Variants in ARHGEF7 observed in about 807,000 individuals in gnomAD.
The protein encoded by ARHGEF7 is Rho guanine nucleotide exchange factor 7.
In ARHGEF7, 33 loss-of-function variants were observed where a neutral mutation model predicts 109.8. The ratio of observed to expected loss-of-function variants is 0.30; its 90% CI spans 0.23 to 0.40. The LOEUF is 0.40. Among genes scored for constraint, ARHGEF7 ranks in the 10% least tolerant of loss-of-function variants. The pLI is 1.00. For synonymous variants in ARHGEF7, 458 were observed against 424.6 expected (o/e 1.08, Z -0.97); for missense variants, 938 against 1,098.5 (o/e 0.85, Z 2.07).
chr13:111,221,529 ATATC>A (rs869067875), intron 5 of ARHGEF7, among the ~76,000 whole-genome samples: 710 of 39,264 alleles, frequency 0.018, 27 homozygotes, highest in Middle Eastern at 0.15. Flanking sequence ...ATATCTATAT[ATATC>A]TATATATAGA....
intron 2 of ARHGEF7, among the ~76,000 whole-genome samples, chr13:111,176,904 G>A (rs2078219235): frequency 6.6e-6 from 1 of 152,162 alleles, no homozygotes; most frequent in South Asian, 2.1e-4. Context: ...CTACAGGCGT[G>A]TACCACCACG....
chr13:111,282,750 C>T (rs902500588), intron 15 of ARHGEF7: 7 of 240,116 alleles, frequency 2.9e-5, no homozygotes, highest in African/African-American at 1.6e-4. Context: ...GGGGAATCAC[C>T]TTCCTTCTTA....
At chr13:111,189,317 C>G (rs564075197) in intron 2 of ARHGEF7, among the ~76,000 whole-genome samples, 2 of 152,256 alleles carry the variant, frequency 1.3e-5, no homozygotes, top group African/African-American at 4.8e-5. Flanking sequence ...GATGGTGTGT[C>G]TGGAGTTTGT....
intron 19 of ARHGEF7, among the ~76,000 whole-genome samples, chr13:111,299,820 C>G (rs372217805): frequency 6.6e-6 from 1 of 152,146 alleles, no homozygotes; most frequent in African/African-American, 2.4e-5. Flanking sequence ...CCATAGTTAG[C>G]GAGCGTGTCT....
intron 1 of ARHGEF7, among the ~76,000 whole-genome samples, chr13:111,151,806 C>T (rs1417588151): frequency 6.6e-6 from 1 of 151,766 alleles, no homozygotes; most frequent in Non-Finnish European, 1.5e-5. Flanking sequence ...AAATCACCAT[C>T]GGAAAGCATA....
At chr13:111,121,036 A>G (rs1421371306) in intron 1 of ARHGEF7, among the ~76,000 whole-genome samples, 1 of 152,236 alleles carries the variant, frequency 6.6e-6, no homozygotes, top group East Asian at 1.9e-4. Flanking sequence ...AGTGTAACTG[A>G]GCACCCAGGG....
intron 2 of ARHGEF7, among the ~76,000 whole-genome samples, chr13:111,194,753 A>C (rs2080295158): frequency 6.6e-6 from 1 of 152,228 alleles, no homozygotes; most frequent in South Asian, 2.1e-4. Context: ...CAAACAGGTG[A>C]GGGCTATCCC....
intron 15 of ARHGEF7, chr13:111,280,901 G>T (rs529356140): frequency 2.3e-5 from 11 of 483,728 alleles, no homozygotes; most frequent in African/African-American, 1.2e-4. Flanking sequence ...GCCTCCTCAC[G>T]CACAGTTCAG....
At chr13:111,174,711 G>A (rs2077951212) in intron 2 of ARHGEF7, among the ~76,000 whole-genome samples, 1 of 152,242 alleles carries the variant, frequency 6.6e-6, no homozygotes, top group Non-Finnish European at 1.5e-5. Flanking sequence ...GGTTTGCCCT[G>A]CTCTGTGTCC....
intron 16 of ARHGEF7, among the ~76,000 whole-genome samples, chr13:111,285,559 C>G (rs1313731947): frequency 6.6e-6 from 1 of 152,224 alleles, no homozygotes; most frequent in Non-Finnish European, 1.5e-5. Flanking sequence ...TGTGAACACT[C>G]TGAGCTGGTG....
At chr13:111,295,651 A>G (rs1052452745) in intron 19 of ARHGEF7, among the ~76,000 whole-genome samples, 2 of 152,256 alleles carry the variant, frequency 1.3e-5, no homozygotes, top group Non-Finnish European at 2.9e-5. Flanking sequence ...GACAAGGTGC[A>G]GACAGTAAAT....
At position 111,258,726 on chromosome 13, in the gene ARHGEF7, C is replaced by T. The variant is rs1004105337; in HGVS notation, c.951-8822C>T. On this transcript the variant is annotated intron_variant, in intron 8 of 21. Coordinates refer to ENST00000646102, the MANE Select transcript of ARHGEF7 (RefSeq NM_001354046.2). The surrounding 1 kb of genome is among the most constrained non-coding windows in gnomAD (Gnocchi z 4.4). ...AAGGAGAGGAGACTTTGTCTTGCAGCGTAGGTATCTGCCCAGCCACAGTGA... is the reference window on the plus strand; with the variant it reads ...AAGGAGAGGAGACTTTGTCTTGCAGTGTAGGTATCTGCCCAGCCACAGTGA... 4.6e-5 allele frequency among the ~76,000 whole-genome samples: 7 copies of T among 151,992 alleles called. No individual in the cohort carries two copies. Among genetic ancestry groups the T allele is most frequent in the African/African-American group, 9.7e-5 (4 of 41,368 alleles).
Position 111,292,717 on chromosome 13 carries a change from A to G in ARHGEF7, c.2311+423A>G, listed in dbSNP as rs537947433. ...GGTTTGTGATCTAAGTGCCAGAACC[A>G]TGGAGGAGACTCTGGCCTTATCTGT... On this transcript the variant is annotated intron_variant, in intron 19 of 21. Coordinates refer to ENST00000646102, the MANE Select transcript of ARHGEF7 (RefSeq NM_001354046.2). 6 of 1,031,026 alleles carry G rather than the reference A, an allele frequency of 5.8e-6. No homozygotes were observed. In the East Asian group the frequency reaches 3.6e-4, roughly 61 times the overall value. 63.9% of individuals were successfully genotyped at this position (1,031,026 alleles called of 1,614,324 possible). A position where few individuals can be genotyped will look rare whatever the true frequency, so the allele number is the denominator to read the frequency against.
At position 111,305,352 on chromosome 13, in the gene ARHGEF7, G is replaced by A. The variant is rs1184781828; in HGVS notation, c.*2239G>A. The A allele has an allele frequency of 1.3e-5, 2 of 152,242 alleles. No homozygotes were observed. Among genetic ancestry groups the A allele is most frequent in the African/African-American group, 4.8e-5 (2 of 41,448 alleles). The allele number at this position is 152,242 out of a possible 1,614,324, so 9.4% of individuals were successfully genotyped here. A position where few individuals can be genotyped will look rare whatever the true frequency, so the allele number is the denominator to read the frequency against. On this transcript the variant is annotated 3_prime_UTR_variant, in exon 22 of 22. Coordinates refer to ENST00000646102, the MANE Select transcript of ARHGEF7 (RefSeq NM_001354046.2). ...GAACTTGATATAAACGTTTAAAGGG[G>A]CCACGATTTGCCCGAGGGTTACTCC...
At chr13:111,198,000 A>G (rs886231789) in intron 2 of ARHGEF7, among the ~76,000 whole-genome samples, 18 of 152,090 alleles carry the variant, frequency 1.2e-4, no homozygotes, top group Non-Finnish European at 2.2e-4. Flanking sequence ...GCTCATGGCC[A>G]CAGGGTCAAC....
At chr13:111,178,496 G>A (rs1465126332) in intron 2 of ARHGEF7, among the ~76,000 whole-genome samples, 1 of 152,180 alleles carries the variant, frequency 6.6e-6, no homozygotes, top group Non-Finnish European at 1.5e-5. Flanking sequence ...GTTCACTCTT[G>A]CCCTTTAGGG....
At chr13:111,176,752 G>A (rs2078203760) in intron 2 of ARHGEF7, among the ~76,000 whole-genome samples, 1 of 152,090 alleles carries the variant, frequency 6.6e-6, no homozygotes, top group Non-Finnish European at 1.5e-5. Context: ...TTGCTGACTG[G>A]CTTATTTATT....
At chr13:111,167,942 C>T (rs376366419) in intron 2 of ARHGEF7, among the ~76,000 whole-genome samples, 51 of 152,346 alleles carry the variant, frequency 3.3e-4, no homozygotes, top group African/African-American at 1.2e-3. Flanking sequence ...CCCTTCCTCA[C>T]AGGACACTTG....
At chr13:111,203,062 A>G in intron 2 of ARHGEF7, 3 of 1,273,454 alleles carry the variant, frequency 2.4e-6, no homozygotes, top group South Asian at 1.3e-5. Flanking sequence ...GAAACTTCAC[A>G]TTTTTCACAT....
Sources: gnomAD v4.1 joint callset for allele counts (sites outside exome capture counted in the v4.1 genomes callset) on GRCh38, gnomAD v4.1.1 for gene constraint, Gnocchi (gnomAD v3.1) non-coding constraint, MANE v1.5 for transcripts, NCBI Gene and HGNC (gene_info 2026-07-23, HGNC 2026-07-21) for gene names.